SYNDIG1: variants seen among roughly 807,000 people sequenced by gnomAD.
SYNDIG1 encodes the protein synapse differentiation inducing 1.
A neutral mutation model predicts 19.4 loss-of-function variants in SYNDIG1; 9 were observed. The ratio of observed to expected loss-of-function variants is 0.46; its 90% confidence interval spans 0.28 to 0.81. The LOEUF (loss-of-function observed/expected upper bound fraction) is 0.81, where lower values mean the gene tolerates loss of function less well. Among genes scored for constraint, SYNDIG1 ranks in the 30% least tolerant of loss-of-function variants. The pLI is 0.12. For synonymous variants in SYNDIG1, 141 were observed against 145.9 expected (o/e 0.97, Z 0.24); for missense variants, 311 against 343.3 (o/e 0.91, Z 0.74).
chr20:24,481,097 T>TTAC lies in SYNDIG1; in HGVS notation c.-79+11344_-79+11345insTAC, dbSNP rs527256117. ...ACACTAAGAAATGGTTACGATTATG[T>TTAC]AAATTTTATGTTGTGTGTGTGTGTG... On this transcript the variant is annotated intron_variant, in intron 1 of 3. Transcript: ENST00000376862. Among the ~76,000 whole-genome samples, 116 of 152,326 alleles carry TTAC rather than the reference T, an allele frequency of 7.6e-4. 1 individual carries two copies. The highest frequency in any genetic ancestry group is 2.7e-3 in the African/African-American group (112 of 41,570).
chr20:24,547,951 C>T (rs956164279), intron 2 of SYNDIG1, among the ~76,000 whole-genome samples: 1 of 152,166 alleles, frequency 6.6e-6, no homozygotes, highest in Non-Finnish European at 1.5e-5. Context: ...CCTCTCAGAC[C>T]TGAAGTACAT....
At chr20:24,479,233 A>G (rs1445231218) in intron 1 of SYNDIG1, among the ~76,000 whole-genome samples, 1 of 152,068 alleles carries the variant, frequency 6.6e-6, no homozygotes, top group Non-Finnish European at 1.5e-5. Context: ...CTGGAGAGTG[A>G]CTTGGGAGCC....
At chr20:24,527,315 CA>C (rs1236197090) in intron 1 of SYNDIG1, among the ~76,000 whole-genome samples, 2 of 152,006 alleles carry the variant, frequency 1.3e-5, no homozygotes, top group Non-Finnish European at 2.9e-5. Context: ...TTTTTTACTC[CA>C]ACAAAAATAT....
chr20:24,603,926 A>T (rs2058715499), intron 3 of SYNDIG1, among the ~76,000 whole-genome samples: 1 of 152,140 alleles, frequency 6.6e-6, no homozygotes, highest in Admixed American at 6.5e-5. Context: ...GAGCACATTC[A>T]CAGTCAACCT....
intron 2 of SYNDIG1, among the ~76,000 whole-genome samples, chr20:24,556,588 T>C (rs887372040): frequency 6.6e-6 from 1 of 152,180 alleles, no homozygotes; most frequent in Non-Finnish European, 1.5e-5. Context: ...GGGATATGAA[T>C]TTCTGGGTTG....
chr20:24,521,090 A>G (rs545218753), intron 1 of SYNDIG1, among the ~76,000 whole-genome samples: 1 of 152,328 alleles, frequency 6.6e-6, no homozygotes, highest in South Asian at 2.1e-4. Context: ...TGACTGGCGT[A>G]TTTCACTTAG....
intron 1 of SYNDIG1, among the ~76,000 whole-genome samples, chr20:24,529,176 C>A (rs2057189307): frequency 6.6e-6 from 1 of 152,184 alleles, no homozygotes; most frequent in African/African-American, 2.4e-5. Context: ...TCAGTTAAAT[C>A]TTTGGTCACA....
intron 1 of SYNDIG1, among the ~76,000 whole-genome samples, chr20:24,470,078 G>A (rs982598361): frequency 6.6e-6 from 1 of 152,212 alleles, no homozygotes; most frequent in Non-Finnish European, 1.5e-5. Context: ...ACGCGAAGGG[G>A]CTGCTGTGCG....
At chr20:24,530,568 G>T (rs1018762150) in intron 1 of SYNDIG1, among the ~76,000 whole-genome samples, 9 of 152,108 alleles carry the variant, frequency 5.9e-5, no homozygotes, top group African/African-American at 2.2e-4. Flanking sequence ...CTTGGGCCTT[G>T]GTGAATTACA....
chr20:24,502,320 C>T (rs1227751824), intron 1 of SYNDIG1: 1 of 152,260 alleles, frequency 6.6e-6, no homozygotes, highest in Non-Finnish European at 1.5e-5. Flanking sequence ...GCGTCATCTG[C>T]TTTCTCCCCA....
At chr20:24,626,823 C>T (rs1317624886) in intron 3 of SYNDIG1, among the ~76,000 whole-genome samples, 2 of 152,242 alleles carry the variant, frequency 1.3e-5, no homozygotes, top group East Asian at 1.9e-4. Flanking sequence ...TCTGCAATCC[C>T]GGCACCTCGG....
chr20:24,496,534 A>G (rs2056310161), intron 1 of SYNDIG1, among the ~76,000 whole-genome samples: 1 of 152,194 alleles, frequency 6.6e-6, no homozygotes, highest in African/African-American at 2.4e-5. Flanking sequence ...CATTGGGCAC[A>G]CCTGGGTGTA....
At chr20:24,480,136 C>T (rs1347381547) in intron 1 of SYNDIG1, among the ~76,000 whole-genome samples, 1 of 152,234 alleles carries the variant, frequency 6.6e-6, no homozygotes, top group Non-Finnish European at 1.5e-5. Flanking sequence ...CAGCATCCTT[C>T]CTCCAAGTTT....
intron 3 of SYNDIG1, among the ~76,000 whole-genome samples, chr20:24,587,385 A>G (rs919149112): frequency 6.6e-6 from 1 of 152,176 alleles, no homozygotes; most frequent in African/African-American, 2.4e-5. Context: ...CAGAACTCCC[A>G]TCCCAGGCAG....
At chr20:24,616,493 G>A (rs2058934946) in intron 3 of SYNDIG1, among the ~76,000 whole-genome samples, 1 of 152,238 alleles carries the variant, frequency 6.6e-6, no homozygotes, top group Non-Finnish European at 1.5e-5. Flanking sequence ...GGGCCAACCT[G>A]CCTCCCCTCT....
rs1304631712 is a variant in SYNDIG1, at chr20:24,658,181, C to A, written c.619-7165C>A. ...TCAAACGACAGTGGGTATTTTCCAG[C>A]CAAAGGACAAGCAAAAGCTCATTGG... On this transcript the variant is annotated intron_variant, in intron 3 of 3. Transcript: ENST00000376862. This position sits in a 1 kb window ranked among gnomAD's most constrained non-coding sequence, Gnocchi z 4.4. Among the ~76,000 whole-genome samples, 1 of 152,154 alleles carries A rather than the reference C, an allele frequency of 6.6e-6. No individual in the cohort carries two copies. Among genetic ancestry groups the A allele is most frequent in the Non-Finnish European group, 1.5e-5 (1 of 68,034 alleles).
At chr20:24,662,384 C>T (rs1020745126) in intron 3 of SYNDIG1, among the ~76,000 whole-genome samples, 66 of 152,170 alleles carry the variant, frequency 4.3e-4, no homozygotes, top group African/African-American at 1.5e-3. Context: ...ATTCCAGAAC[C>T]GCAGTGCACA....
intron 2 of SYNDIG1, among the ~76,000 whole-genome samples, chr20:24,575,409 ATCT>A (rs2058212017): frequency 6.6e-6 from 1 of 152,312 alleles, no homozygotes; most frequent in Non-Finnish European, 1.5e-5. Flanking sequence ...TTTGCAAATA[ATCT>A]TCTTCAGATA....
chr20:24,608,893 A>G (rs1040824125), intron 3 of SYNDIG1, among the ~76,000 whole-genome samples: 10 of 152,210 alleles, frequency 6.6e-5, no homozygotes, highest in Non-Finnish European at 1.2e-4. Context: ...AAAACAGCAT[A>G]CAGTACTGCT....
Sources: allele counts gnomAD v4.1 joint callset (sites outside exome capture counted in the v4.1 genomes callset), GRCh38; gene constraint gnomAD v4.1.1; non-coding constraint Gnocchi (gnomAD v3.1); transcripts MANE v1.5; gene names NCBI Gene and HGNC (gene_info 2026-07-23, HGNC 2026-07-21).